Variants in PSMD5 observed in about 807,000 individuals in gnomAD.
PSMD5 encodes proteasome 26S subunit, non-ATPase 5, also known as 26S proteasome non-ATPase regulatory subunit 5.
In PSMD5, 40 loss-of-function variants were observed where a neutral mutation model predicts 52.1. The observed-to-expected ratio is 0.77, with a 90% CI of 0.60 to 1.00. PSMD5 has a LOEUF of 1.00. Among genes scored for constraint, PSMD5 ranks in the 50% least tolerant of loss-of-function variants. The pLI is 0.00. For synonymous variants in PSMD5, 211 were observed against 226.6 expected (o/e 0.93, Z 0.62); for missense variants, 575 against 605.2 (o/e 0.95, Z 0.52).
rs1191962488 is a variant in PSMD5 at position 120,833,438 on chromosome 9, A to C, written c.192T>G (p.Cys64Trp). ...GGAGCAATCTCTCCAGAATGGATAC[A>C]CACAAAGTAGTCTTTTCCCTGAAGG... is the stretch of plus-strand genomic sequence containing the variant. ...NENHREKTTL[C>W]VSILERLLQA... is the part of the protein sequence containing the mutation. Residue 64 changes from cysteine (C) to tryptophan (W), a missense_variant, in exon 2 of 10, where the codon TGT becomes TGG. Coordinates refer to ENST00000210313, the MANE Select transcript of PSMD5 (RefSeq NM_005047.4). The C allele has an allele frequency of 1.9e-6, 3 of 1,613,774 alleles. No individual in the cohort carries two copies. The highest frequency in any genetic ancestry group is 4.5e-5 in the East Asian group (2 of 44,876).
Position 120,816,098 on chromosome 9 carries a change from TA to T in PSMD5, c.*1807del, listed in dbSNP as rs746321658. On this transcript the variant is annotated 3_prime_UTR_variant, in exon 10 of 10. Transcript: ENST00000210313. The stretch of plus-strand genomic sequence containing the variant: ...AATGATTTACAAATTTTATTCAATC[TA>T]AAAAAAAAATCAGAATGTGTAGACC... 136 of 155,570 alleles carry T rather than the reference TA, an allele frequency of 8.7e-4. No homozygotes were observed. Among genetic ancestry groups the T allele is most frequent in the South Asian group, 3.3e-3 (17 of 5,118 alleles). 9.6% of individuals were successfully genotyped at this position (155,570 alleles called of 1,614,324 possible).
chr9:120,820,240 G>A (rs1272453604), intron 9 of PSMD5, among the ~76,000 whole-genome samples: 2 of 151,766 alleles, frequency 1.3e-5, no homozygotes, highest in Admixed American at 1.3e-4. Context: ...TGAAAGGAAG[G>A]TCTTTATATA....
At chr9:120,824,212 A>G in intron 7 of PSMD5, 1 of 435,654 alleles carries the variant, frequency 2.3e-6, no homozygotes, top group Non-Finnish European at 4.2e-6. Flanking sequence ...CTAGTCAAAG[A>G]AGACATCATA....
At chr9:120,826,051 G>A (rs1049507739) in intron 6 of PSMD5, among the ~76,000 whole-genome samples, 3 of 147,756 alleles carry the variant, frequency 2.0e-5, no homozygotes, top group Admixed American at 6.8e-5. Flanking sequence ...CTGGAGTGCA[G>A]TGGCGCGATC....
At position 120,826,789 on chromosome 9, in the gene PSMD5, G is replaced by A; in HGVS notation, c.790C>T (p.Pro264Ser). ...CCTGGCAGATAGAAGCTAGAGAAAG[G>A]GTCTGAATCTGCCCCAACAATTATA... ...SNIIVGADSD[P>S]FSSFYLPGFV... Residue 264 changes from proline (P) to serine (S), a missense_variant, in exon 6 of 10, where the codon CCT (proline) becomes TCT (serine). By Grantham distance (74) the Pro-to-Ser change is moderately conservative. Coordinates refer to ENST00000210313, the MANE Select transcript of PSMD5 (RefSeq NM_005047.4). 2 of 1,613,666 alleles carry A rather than the reference G, an allele frequency of 1.2e-6. No homozygotes were observed. Among genetic ancestry groups the A allele is most frequent in the Non-Finnish European group, 1.7e-6 (2 of 1,179,714 alleles).
chr9:120,821,786 C>T (rs1265346653), intron 7 of PSMD5, among the ~76,000 whole-genome samples: 1 of 152,250 alleles, frequency 6.6e-6, no homozygotes, highest in Non-Finnish European at 1.5e-5. Flanking sequence ...GCTTACTTCA[C>T]TTAGCATAAT....
At chr9:120,826,991 T>G in intron 5 of PSMD5, 84 bp from the exon 6 acceptor site, 1 of 1,328,058 alleles carries the variant, frequency 7.5e-7, no homozygotes, top group Non-Finnish European at 1.0e-6. Flanking sequence ...GGTTATCTTA[T>G]TTAATTCTTC....
Position 120,826,864 on chromosome 9 carries a change from G to A in PSMD5, c.715C>T (p.His239Tyr), listed in dbSNP as rs769987126. 6.2e-7 allele frequency: 1 copy of A among 1,613,714 alleles called. No individual in the cohort carries two copies. The highest frequency in any genetic ancestry group is 8.5e-7 in the Non-Finnish European group (1 of 1,179,604). ...EMVTSLAYTH[H>Y]GRQYLAQEGV... Reference sequence around the variant, plus strand: ...TCTTGAGCAAGATATTGTCGCCCATGATGAGTATATGCCAGTGATGTCACC... The same window carrying A: ...TCTTGAGCAAGATATTGTCGCCCATAATGAGTATATGCCAGTGATGTCACC... Residue 239 changes from histidine (H) to tyrosine (Y), a missense_variant, in exon 6 of 10, where the codon CAT (histidine) becomes TAT (tyrosine). Coordinates refer to ENST00000210313, the MANE Select transcript of PSMD5 (RefSeq NM_005047.4).
chr9:120,825,589 A>C (rs1437516633), intron 6 of PSMD5, among the ~76,000 whole-genome samples: 1 of 152,126 alleles, frequency 6.6e-6, no homozygotes, highest in Non-Finnish European at 1.5e-5. Context: ...TGTCTTCTTC[A>C]ATTTCCTTCA....
At position 120,817,856 on chromosome 9, in the gene PSMD5, A is replaced by T; in HGVS notation, c.*50T>A. On this transcript the variant is annotated 3_prime_UTR_variant, in exon 10 of 10. Coordinates refer to ENST00000210313, the MANE Select transcript of PSMD5 (RefSeq NM_005047.4). Reference sequence around the variant, plus strand: ...AAATATAGATGGAGTCAAATGCCTTAGGAGAAGTTTTGGTCAAAACGTGGT... The same window carrying T: ...AAATATAGATGGAGTCAAATGCCTTTGGAGAAGTTTTGGTCAAAACGTGGT... 1 of 1,546,362 alleles carries T rather than the reference A, an allele frequency of 6.5e-7. No individual in the cohort carries two copies. Among genetic ancestry groups the T allele is most frequent in the Non-Finnish European group, 8.8e-7 (1 of 1,139,846 alleles).
intron 1 of PSMD5, among the ~76,000 whole-genome samples, chr9:120,840,730 C>T (rs1377346894): frequency 6.6e-6 from 1 of 151,894 alleles, no homozygotes; most frequent in Non-Finnish European, 1.5e-5. Context: ...AGAGATTCTC[C>T]TGCCTCAGCC....
chr9:120,828,730 C>G (rs1368447423), intron 5 of PSMD5, among the ~76,000 whole-genome samples: 1 of 152,144 alleles, frequency 6.6e-6, no homozygotes, highest in Non-Finnish European at 1.5e-5. Context: ...CCGGCCTAGC[C>G]CATGTTTTTT....
In PSMD5 at chr9:120,829,127, C is replaced by G. The variant is rs1267991026; in HGVS notation, c.643G>C (p.Glu215Gln). The change falls in exon 5 of 10, where the codon GAG becomes CAG. Residue 215 changes from glutamate (E) to glutamine (Q), a missense_variant. Transcript: ENST00000210313. The part of the protein sequence containing the change: ...TSGLVTQLLR[E>Q]LTGEDVLVRA... ...ACCAACACATCCTCACCAGTCAGCT[C>G]TCTCAGGAGCTGGGTTACCAATCCA... 2 of 1,604,388 alleles carry G rather than the reference C, an allele frequency of 1.2e-6. No individual in the cohort carries two copies. Among genetic ancestry groups the G allele is most frequent in the African/African-American group, 2.7e-5 (2 of 74,306 alleles).
intron 6 of PSMD5, 136 bp downstream of exon 6, chr9:120,826,629 C>A (rs1036788506): frequency 5.6e-5 from 63 of 1,129,730 alleles, no homozygotes; most frequent in Middle Eastern, 2.2e-4. Context: ...ATCTTCTAAA[C>A]GAAATCAGCT....
intron 2 of PSMD5, among the ~76,000 whole-genome samples, chr9:120,832,285 A>C (rs949604490): frequency 6.6e-6 from 1 of 152,158 alleles, no homozygotes; most frequent in Non-Finnish European, 1.5e-5. Context: ...ATTTAATTCC[A>C]GGATAGTTAC....
chr9:120,831,276 T>C, intron 4 of PSMD5, 55 bp downstream of exon 4: 1 of 1,513,324 alleles, frequency 6.6e-7, no homozygotes. Flanking sequence ...CTTTTCAGCA[T>C]AAGCCAAACT....
At chr9:120,828,383 G>A (rs1372772297) in intron 5 of PSMD5, among the ~76,000 whole-genome samples, 1 of 151,168 alleles carries the variant, frequency 6.6e-6, no homozygotes, top group African/African-American at 2.4e-5. Flanking sequence ...AGGCCAAACA[G>A]CTAATAAATA....
At position 120,831,354 on chromosome 9, in the gene PSMD5, T is replaced by C; in HGVS notation, c.538A>G (p.Ile180Val). The change falls in exon 4 of 10, where the codon ATT (isoleucine) becomes GTT (valine). Residue 180 changes from isoleucine (I) to valine (V), a missense_variant. By Grantham distance (29) the Ile-to-Val change is conservative (BLOSUM62 3). Transcript: ENST00000210313. ...DLKSVMKTND[I>V]VRYRVYELII... ...ACCTCATACACCCTGTATCGAACAATGTCATTTGTTTTCATTACACTTTTC... is the reference window on the plus strand; with the variant it reads ...ACCTCATACACCCTGTATCGAACAACGTCATTTGTTTTCATTACACTTTTC... 6.2e-7 allele frequency: 1 copy of C among 1,611,110 alleles called. No homozygotes were observed. Among genetic ancestry groups the C allele is most frequent in the Non-Finnish European group, 8.5e-7 (1 of 1,179,158 alleles).
At chr9:120,831,141 C>T (rs1459780433) in intron 4 of PSMD5, among the ~76,000 whole-genome samples, 190 bp downstream of exon 4, 1 of 152,130 alleles carries the variant, frequency 6.6e-6, no homozygotes, top group Non-Finnish European at 1.5e-5. Flanking sequence ...GCCCTTGCCT[C>T]CCATAGAGCT....
Sources: gnomAD v4.1 joint callset for allele counts (sites outside exome capture counted in the v4.1 genomes callset) on GRCh38, gnomAD v4.1.1 for gene constraint, MANE v1.5 for transcripts, NCBI Gene and HGNC (gene_info 2026-07-23, HGNC 2026-07-21) for gene names.